RASGRF1: variants seen among roughly 807,000 people sequenced by gnomAD.
RASGRF1 encodes the protein Ras protein specific guanine nucleotide releasing factor 1.
In RASGRF1, 40 loss-of-function variants were observed where a neutral mutation model predicts 138.7. That is an observed-to-expected ratio of 0.29 (90% CI 0.22 to 0.38). The LOEUF is 0.38. Ranked by LOEUF, RASGRF1 falls within the 10% of genes least tolerant of loss-of-function variation. The probability of loss-of-function intolerance (pLI) is 1.00; values close to 1 mark genes in which losing one functional copy is unlikely to be tolerated. For synonymous variants in RASGRF1, 614 were observed against 663.2 expected (o/e 0.93, Z 1.14); for missense variants, 1,108 against 1,650.4 (o/e 0.67, Z 5.69).
intron 14 of RASGRF1, chr15:79,005,240 G>A: frequency 1.0e-6 from 1 of 985,642 alleles, no homozygotes; most frequent in East Asian, 1.1e-4. Flanking sequence ...GTGTATTCTG[G>A]GTCGTTGCGT....
At chr15:79,065,557 AG>A (rs2057668102) in intron 1 of RASGRF1, among the ~76,000 whole-genome samples, 2 of 151,892 alleles carry the variant, frequency 1.3e-5, no homozygotes. Context: ...AGGAAGGGGC[AG>A]GGGGCTCTGA....
intron 3 of RASGRF1, among the ~76,000 whole-genome samples, chr15:79,049,967 A>T (rs1472890018): frequency 6.6e-6 from 1 of 152,144 alleles, no homozygotes; most frequent in South Asian, 2.1e-4. Context: ...CCCTTTTTTT[A>T]AAAATAATTT....
intron 14 of RASGRF1, chr15:79,005,233 T>C: frequency 1.0e-5 from 10 of 984,814 alleles, no homozygotes; most frequent in Non-Finnish European, 1.2e-5. Flanking sequence ...GGAACGGGTG[T>C]ATTCTGGGTC....
At chr15:79,043,810 T>C (rs140338566) in intron 5 of RASGRF1, among the ~76,000 whole-genome samples, 417 of 152,316 alleles carry the variant, frequency 2.7e-3, no homozygotes, top group African/African-American at 9.4e-3. Context: ...ATCACAGTCA[T>C]AGTGTCACTA....
chr15:79,018,123 A>G (rs2056907124), intron 11 of RASGRF1, among the ~76,000 whole-genome samples: 1 of 152,252 alleles, frequency 6.6e-6, no homozygotes. Flanking sequence ...ACTCAGGGGC[A>G]GTTCCGGATT....
At chr15:78,963,184 C>A (rs991755145) in intron 26 of RASGRF1, among the ~76,000 whole-genome samples, 20 of 152,370 alleles carry the variant, frequency 1.3e-4, no homozygotes, top group Non-Finnish European at 1.9e-4. Flanking sequence ...TGAGCTCTAA[C>A]CTCACAGGCA....
At chr15:79,049,067 G>A (rs1255072566) in intron 4 of RASGRF1, among the ~76,000 whole-genome samples, 1 of 152,140 alleles carries the variant, frequency 6.6e-6, no homozygotes, top group Non-Finnish European at 1.5e-5. Context: ...GGGTCTGCTG[G>A]GGACTCAGGA....
rs2057080515 is a variant in RASGRF1, at chr15:79,027,763, G to A, written c.1359C>T (p.Thr453=). 1.9e-6 allele frequency: 3 copies of A among 1,614,106 alleles called. No homozygotes were observed. The Admixed American group carries it at 5.0e-5, about 27-fold the overall frequency. ...IIEGCEILLD[T]SQTFVRQGSL... ...TACCTTGTCTCACAAAGGTCTGGCTGGTGTCCAGGAGGATCTCACAGCCTT... is the reference window on the plus strand; with the variant it reads ...TACCTTGTCTCACAAAGGTCTGGCTAGTGTCCAGGAGGATCTCACAGCCTT... The change falls in exon 9 of 27, where the codon ACC becomes ACT. Residue 453 remains threonine (T), a synonymous_variant. Coordinates refer to ENST00000558480, the MANE Select transcript of RASGRF1 (RefSeq NM_001145648.3). This position sits in a 1 kb window ranked among gnomAD's most constrained non-coding sequence, Gnocchi z 4.8.
intron 1 of RASGRF1, among the ~76,000 whole-genome samples, chr15:79,069,675 G>T (rs2141074689): frequency 6.6e-6 from 1 of 152,304 alleles, no homozygotes; most frequent in African/African-American, 2.4e-5. Flanking sequence ...ATAAATGCTG[G>T]TGTTTCTTAA....
At chr15:78,964,324 G>A (rs934391542) in intron 26 of RASGRF1, among the ~76,000 whole-genome samples, 2 of 151,828 alleles carry the variant, frequency 1.3e-5, no homozygotes, top group South Asian at 2.1e-4. Flanking sequence ...ACAGGCATGC[G>A]TCACCATGCC....
intron 23 of RASGRF1, 108 bp from the exon 24 acceptor site, chr15:78,980,807 GCCTT>G: frequency 1.2e-6 from 1 of 809,474 alleles, no homozygotes; most frequent in Non-Finnish European, 1.9e-6. Context: ...CTCCAGAATT[GCCTT>G]CCCTTGGGAT....
intron 5 of RASGRF1, among the ~76,000 whole-genome samples, chr15:79,038,060 G>A (rs2057246496): frequency 1.3e-5 from 2 of 152,296 alleles, no homozygotes; most frequent in South Asian, 4.1e-4. Flanking sequence ...TATAAATACA[G>A]ATGAATCTTT....
At chr15:79,014,962 A>G (rs193256886) in intron 13 of RASGRF1, among the ~76,000 whole-genome samples, 46 of 151,774 alleles carry the variant, frequency 3.0e-4, no homozygotes, top group Admixed American at 2.6e-3. Context: ...CAAACAAAAC[A>G]AAACAAAACA....
chr15:79,043,742 G>C (rs919121111), intron 5 of RASGRF1, among the ~76,000 whole-genome samples: 3 of 152,212 alleles, frequency 2.0e-5, no homozygotes, highest in Non-Finnish European at 4.4e-5. Context: ...GCCTGTGGAG[G>C]ATGCCACTCA....
At chr15:79,060,445 A>G (rs1001241282) in intron 2 of RASGRF1, among the ~76,000 whole-genome samples, 10 of 152,332 alleles carry the variant, frequency 6.6e-5, no homozygotes, top group African/African-American at 2.4e-4. Context: ...ATTGATCACC[A>G]GCTGCTCCTT....
chr15:79,080,655 A>G (rs1009070002), intron 1 of RASGRF1, among the ~76,000 whole-genome samples: 2 of 152,092 alleles, frequency 1.3e-5, no homozygotes, highest in African/African-American at 4.8e-5. Context: ...TTAAGATCTG[A>G]GTTGGATTTT....
chr15:79,028,845 C>G (rs2057098170), intron 8 of RASGRF1, among the ~76,000 whole-genome samples: 1 of 152,148 alleles, frequency 6.6e-6, no homozygotes, highest in Non-Finnish European at 1.5e-5. Context: ...CAATTTAAAC[C>G]CCAAAACAAA....
rs3833003 is a variant in RASGRF1 at position 79,005,718 on chromosome 15, TCTCCCTCCCTCC to T, written c.2075+456_2075+467del. 46 of 567,572 alleles carry T rather than the reference TCTCCCTCCCTCC, an allele frequency of 8.1e-5. No homozygotes were observed. In the Admixed American group the frequency reaches 9.7e-4, roughly 12 times the overall value. The allele number at this position is 567,572 out of a possible 1,614,324, so 35.2% of individuals were successfully genotyped here. On this transcript the variant is annotated intron_variant, in intron 14 of 26. Transcript: ENST00000558480. ...AAGCAAAGCAGGGGTAAGAGTCCTTTCTCCCTCCCTCCCTCCCTCCCTCCCTCCCTTCCTTCC... is the reference window on the plus strand; with the variant it reads ...AAGCAAAGCAGGGGTAAGAGTCCTTTCTCCCTCCCTCCCTCCCTTCCTTCC...
intron 1 of RASGRF1, among the ~76,000 whole-genome samples, chr15:79,068,556 T>C (rs2057711121): frequency 6.7e-6 from 1 of 148,964 alleles, no homozygotes; most frequent in South Asian, 2.1e-4. Flanking sequence ...TACACATGCT[T>C]TTATATCGAT....
Sources: allele counts gnomAD v4.1 joint callset (sites outside exome capture counted in the v4.1 genomes callset), GRCh38; gene constraint gnomAD v4.1.1; non-coding constraint Gnocchi (gnomAD v3.1); transcripts MANE v1.5; gene names NCBI Gene and HGNC (gene_info 2026-07-23, HGNC 2026-07-21).